The following GLTP variants were observed in gnomAD, a reference collection of about 807,000 sequenced individuals.
GLTP encodes glycolipid transfer protein.
GLTP carries 22 observed loss-of-function variants against 24.0 expected under a neutral mutation model. The observed-to-expected ratio is 0.92, with a 90% CI of 0.65 to 1.31. GLTP has a LOEUF of 1.31. Ranked by LOEUF, GLTP falls within the 50% of genes most tolerant of loss-of-function variation. The probability of loss-of-function intolerance (pLI) is 0.00; values close to 1 mark genes in which losing one functional copy is unlikely to be tolerated. For synonymous variants in GLTP, 92 were observed against 115.9 expected, an observed-to-expected ratio of 0.79 and a Z score of 1.33; for missense variants, 224 against 276.6, an observed-to-expected ratio of 0.81 and a Z score of 1.35.
At position 109,852,670 on chromosome 12, in the gene GLTP, G is replaced by GT; in HGVS notation, c.514dup (p.Thr172AsnfsTer33). 6.2e-7 allele frequency: 1 copy of GT among 1,608,852 alleles called. No homozygotes were observed. Among genetic ancestry groups the GT allele is most frequent in the Non-Finnish European group, 8.5e-7 (1 of 1,175,220 alleles). On this transcript the variant is annotated frameshift_variant, in exon 5 of 5. Coordinates refer to ENST00000318348, the MANE Select transcript of GLTP (RefSeq NM_016433.4). LOFTEE classifies it high-confidence loss of function. ...GATCTTCTCCAGGCACTCCTCCTCC[G>GT]TAACATTCTGCCCCTTGGAGAGCGC...
chr12:109,873,031 GT>G (rs1868774486), intron 1 of GLTP, among the ~76,000 whole-genome samples: 1 of 152,126 alleles, frequency 6.6e-6, no homozygotes, highest in Non-Finnish European at 1.5e-5. Flanking sequence ...GTTTTGTTTT[GT>G]TTTGGTTTTT....
At chr12:109,879,909 G>A (rs1869015095) in intron 1 of GLTP, among the ~76,000 whole-genome samples, 1 of 152,108 alleles carries the variant, frequency 6.6e-6, no homozygotes, top group South Asian at 2.1e-4. Flanking sequence ...TGGGGAAGAA[G>A]GGGCAGGAGG....
At chr12:109,878,486 AG>A (rs1237644908) in intron 1 of GLTP, among the ~76,000 whole-genome samples, 7 of 152,056 alleles carry the variant, frequency 4.6e-5, no homozygotes, top group Non-Finnish European at 2.9e-5. Context: ...ATGTACCCTA[AG>A]GGGCAAAACT....
chr12:109,858,539 G>C lies in GLTP; in HGVS notation c.162+144C>G, dbSNP rs569809998. ...GGCAGAGAACATTGAGCCCTGATTG[G>C]ACAAGCTTGGGGCCCATCTTCCATG... On this transcript the variant is annotated intron_variant, in intron 2 of 4. Coordinates refer to ENST00000318348, the MANE Select transcript of GLTP (RefSeq NM_016433.4). The C allele has an allele frequency of 4.7e-5, 33 of 698,072 alleles. No individual in the cohort carries two copies. In the East Asian group the frequency reaches 7.9e-4, roughly 17 times the overall value. 43.2% of individuals were successfully genotyped at this position (698,072 alleles called of 1,614,324 possible).
At chr12:109,871,995 G>A (rs1435920353) in intron 1 of GLTP, among the ~76,000 whole-genome samples, 3 of 152,170 alleles carry the variant, frequency 2.0e-5, no homozygotes, top group African/African-American at 4.8e-5. Context: ...CTCAATCCTC[G>A]TCCTTCTGGC....
chr12:109,879,925 G>C (rs1592896265), intron 1 of GLTP, among the ~76,000 whole-genome samples: 1 of 152,024 alleles, frequency 6.6e-6, no homozygotes, highest in Admixed American at 6.6e-5. Context: ...GGAGGCTTTG[G>C]GGGAGATGGT....
intron 1 of GLTP, among the ~76,000 whole-genome samples, chr12:109,869,538 C>A (rs2136047939): frequency 6.9e-6 from 1 of 144,860 alleles, no homozygotes; most frequent in Non-Finnish European, 1.5e-5. Context: ...TCACTGCAAT[C>A]TCCAACTTCC....
At position 109,852,579 on chromosome 12, in the gene GLTP, G is replaced by A. The variant is rs891473014; in HGVS notation, c.606C>T (p.Asn202=). The change falls in exon 5 of 5, where the codon AAC becomes AAT. Residue 202 remains asparagine, a synonymous_variant. Transcript: ENST00000318348. ...DVIYEMYTQM[N]AELNYKV is the part of the protein sequence containing the mutation. ...CCTACACCTTGTAGTTAAGCTCAGC[G>A]TTCATCTGGGTGTACATCTCGTAGA... is the stretch of plus-strand genomic sequence containing the variant. 15 of 1,609,874 alleles carry A rather than the reference G, an allele frequency of 9.3e-6. No homozygotes were observed. Among genetic ancestry groups the A allele is most frequent in the East Asian group, 8.9e-5 (4 of 44,866 alleles).
chr12:109,867,778 CTTTTT>C (rs11300324), intron 1 of GLTP, among the ~76,000 whole-genome samples: 2 of 131,698 alleles, frequency 1.5e-5, no homozygotes, highest in Non-Finnish European at 3.2e-5. Flanking sequence ...TTTCTTTTCT[CTTTTT>C]TTTTTTTTTT....
intron 1 of GLTP, among the ~76,000 whole-genome samples, chr12:109,876,514 G>C (rs1490312241): frequency 6.8e-6 from 1 of 147,206 alleles, no homozygotes; most frequent in East Asian, 2.0e-4. Context: ...AGAGAAGAAA[G>C]AAAGAGGGAG....
intron 2 of GLTP, 51 bp downstream of exon 2, chr12:109,858,632 T>C: frequency 7.2e-7 from 1 of 1,395,016 alleles, no homozygotes; most frequent in Non-Finnish European, 1.0e-6. Context: ...CCAGGTGGGC[T>C]TAGATTCCTA....
chr12:109,878,300 C>T (rs1396643503), intron 1 of GLTP, among the ~76,000 whole-genome samples: 1 of 152,180 alleles, frequency 6.6e-6, no homozygotes, highest in African/African-American at 2.4e-5. Context: ...AGAGTTTAAC[C>T]TGGGATTTCT....
intron 4 of GLTP, among the ~76,000 whole-genome samples, chr12:109,854,336 GGCGACA>G (rs1565896659): frequency 6.7e-6 from 1 of 148,320 alleles, no homozygotes; most frequent in African/African-American, 2.5e-5. Context: ...CTCCAGCCTG[GGCGACA>G]GCGACAGAGT....
chr12:109,859,083 C>G (rs571435361), intron 1 of GLTP, among the ~76,000 whole-genome samples: 1 of 152,362 alleles, frequency 6.6e-6, no homozygotes, highest in African/African-American at 2.4e-5. Flanking sequence ...GAGACAGGGT[C>G]TCGCTCTGTC....
rs1409312957 is a variant in GLTP, at chr12:109,880,298, G to C, written c.77C>G (p.Ala26Gly). ...KQIETGPFLE[A>G]VSHLPPFFDC... ...GAAGAAGGGCGGCAGGTGGGACACCGCCTCGAGGAAGGGCCCGGTCTCGAT... is the reference window on the plus strand; with the variant it reads ...GAAGAAGGGCGGCAGGTGGGACACCCCCTCGAGGAAGGGCCCGGTCTCGAT... The change falls in exon 1 of 5, where the codon GCG becomes GGG. Residue 26 changes from alanine (A) to glycine (G), a missense_variant. Physicochemically the swap from Ala to Gly is moderately conservative, Grantham distance 60. Transcript: ENST00000318348. This position sits in a 1 kb window ranked among gnomAD's most constrained non-coding sequence, Gnocchi z 5.1. The C allele has an allele frequency of 1.2e-6, 2 of 1,604,420 alleles. No individual in the cohort carries two copies. Among genetic ancestry groups the C allele is most frequent in the Non-Finnish European group, 1.7e-6 (2 of 1,176,190 alleles).
In GLTP at chr12:109,855,690, C is replaced by T. The variant is rs1452236329; in HGVS notation, c.376G>A (p.Val126Ile). The change falls in exon 4 of 5, where the codon GTC (valine) becomes ATC (isoleucine). Residue 126 changes from valine to isoleucine, a missense_variant. Coordinates refer to ENST00000318348, the MANE Select transcript of GLTP (RefSeq NM_016433.4). The surrounding 1 kb of genome is among the most constrained non-coding windows in gnomAD (Gnocchi z 4.1). ...ATCTCGTAGGCCTTGGTGGCGTTGA[C>T]ACGGATGAGGTTGGGGTGGTTCTCG... ...RDENHPNLIRVNATKAYEMAL... is the reference protein window; with the variant it reads ...RDENHPNLIRINATKAYEMAL... 7 of 1,608,462 alleles carry T rather than the reference C, an allele frequency of 4.4e-6. No individual in the cohort carries two copies. The highest frequency in any genetic ancestry group is 3.3e-5 in the South Asian group (3 of 90,594).
chr12:109,874,360 A>C (rs1218940115), intron 1 of GLTP, among the ~76,000 whole-genome samples: 1 of 152,168 alleles, frequency 6.6e-6, no homozygotes, highest in African/African-American at 2.4e-5. Context: ...GCACTGAACC[A>C]AAAGTGATGG....
intron 1 of GLTP, among the ~76,000 whole-genome samples, chr12:109,879,332 C>T (rs1396965435): frequency 6.6e-6 from 1 of 152,198 alleles, no homozygotes; most frequent in Non-Finnish European, 1.5e-5. Context: ...GCACCCTTTA[C>T]CCGGGACCCA....
chr12:109,854,339 G>T (rs1173631394), intron 4 of GLTP, among the ~76,000 whole-genome samples: 1 of 130,896 alleles, frequency 7.6e-6, no homozygotes, highest in Non-Finnish European at 1.5e-5. Context: ...CAGCCTGGGC[G>T]ACAGCGACAG....
Sources: allele counts gnomAD v4.1 joint callset (sites outside exome capture counted in the v4.1 genomes callset), GRCh38; gene constraint gnomAD v4.1.1; non-coding constraint Gnocchi (gnomAD v3.1); transcripts MANE v1.5; gene names NCBI Gene and HGNC (gene_info 2026-07-23, HGNC 2026-07-21).